HDAC9: variants seen among roughly 807,000 people sequenced by gnomAD.
HDAC9 encodes the protein histone deacetylase 9, also known as MEF-2 interacting transcription repressor (MITR) protein.
In HDAC9, 41 loss-of-function variants were observed where a neutral mutation model predicts 139.4. The observed-to-expected ratio is 0.29, with a 90% CI of 0.23 to 0.38. The LOEUF (loss-of-function observed/expected upper bound fraction) is 0.38, where lower values mean the gene tolerates loss of function less well. HDAC9 is among the 10% of genes least tolerant of loss of function. The probability of loss-of-function intolerance (pLI) is 1.00; values close to 1 mark genes in which losing one functional copy is unlikely to be tolerated. For synonymous variants in HDAC9, 517 were observed against 476.2 expected, an observed-to-expected ratio of 1.09 and a Z score of -1.12; for missense variants, 1,147 against 1,297.0, an observed-to-expected ratio of 0.88 and a Z score of 1.78.
chr7:18,236,197 C>A (rs115199802), intron 2 of HDAC9, among the ~76,000 whole-genome samples: 3 of 152,292 alleles, frequency 2.0e-5, no homozygotes, highest in Admixed American at 6.5e-5. Context: ...AGACCTCCTG[C>A]AGCATCAGCA....
intron 12 of HDAC9, among the ~76,000 whole-genome samples, chr7:18,724,877 A>G (rs1171871432): frequency 6.6e-6 from 1 of 152,182 alleles, no homozygotes; most frequent in Admixed American, 6.6e-5. Flanking sequence ...TCTAATATAT[A>G]AAAGACTATG....
intron 17 of HDAC9, among the ~76,000 whole-genome samples, chr7:18,817,902 G>T (rs1336903588): frequency 6.6e-6 from 1 of 152,046 alleles, no homozygotes; most frequent in Admixed American, 6.6e-5. Flanking sequence ...AATATCCTCA[G>T]TCATTCTTCT....
At chr7:18,506,375 T>C in intron 2 of HDAC9, among the ~76,000 whole-genome samples, 1 of 152,184 alleles carries the variant, frequency 6.6e-6, no homozygotes, top group Admixed American at 6.5e-5. Context: ...AAACAGACAT[T>C]GCTAAGCTCT....
At chr7:18,874,093 C>T (rs1403613227) in intron 21 of HDAC9, among the ~76,000 whole-genome samples, 5 of 151,820 alleles carry the variant, frequency 3.3e-5, no homozygotes, top group African/African-American at 4.8e-5. Flanking sequence ...TGGAGCAAGC[C>T]GGGTTTTCAC....
intron 1 of HDAC9, among the ~76,000 whole-genome samples, chr7:18,404,357 A>G (rs1787815800): frequency 1.3e-5 from 2 of 152,162 alleles, no homozygotes; most frequent in Admixed American, 1.3e-4. Context: ...AAAATAATAA[A>G]TCATGTAAAC....
At chr7:18,110,907 T>A (rs1181396262) in intron 1 of HDAC9, among the ~76,000 whole-genome samples, 1 of 152,138 alleles carries the variant, frequency 6.6e-6, no homozygotes, top group Non-Finnish European at 1.5e-5. Flanking sequence ...TTCTTTCACA[T>A]GGGGAAGAGT....
intron 14 of HDAC9, among the ~76,000 whole-genome samples, chr7:18,752,164 A>G (rs1035083035): frequency 2.0e-5 from 3 of 152,108 alleles, no homozygotes; most frequent in African/African-American, 7.2e-5. Flanking sequence ...TACTTTAGCA[A>G]TTTGCCACAT....
At chr7:18,482,827 C>T (rs951145175) in intron 1 of HDAC9, among the ~76,000 whole-genome samples, 2 of 152,134 alleles carry the variant, frequency 1.3e-5, no homozygotes, top group African/African-American at 4.8e-5. Flanking sequence ...TCTGGTCATG[C>T]CCACTTTGTG....
chr7:18,764,480 C>T (rs1789653955), intron 15 of HDAC9, among the ~76,000 whole-genome samples: 1 of 152,174 alleles, frequency 6.6e-6, no homozygotes, highest in African/African-American at 2.4e-5. Context: ...AAAACTACTT[C>T]TCTTTCCCTA....
intron 1 of HDAC9, among the ~76,000 whole-genome samples, chr7:18,094,409 C>T (rs1208683211): frequency 6.6e-6 from 1 of 151,824 alleles, no homozygotes; most frequent in African/African-American, 2.4e-5. Flanking sequence ...TCTTTCACAG[C>T]CTGGACCCAG....
At chr7:18,485,577 T>C (rs910665259) in intron 1 of HDAC9, among the ~76,000 whole-genome samples, 5 of 151,722 alleles carry the variant, frequency 3.3e-5, no homozygotes, top group African/African-American at 9.7e-5. Flanking sequence ...TAGTTCAGAA[T>C]ACAGAATTCT....
chr7:18,219,073 A>G (rs1180050161), intron 2 of HDAC9, among the ~76,000 whole-genome samples: 1 of 152,170 alleles, frequency 6.6e-6, no homozygotes, highest in African/African-American at 2.4e-5. Context: ...TACTAGGTAC[A>G]ATATTTTAAA....
chr7:18,753,398 T>C (rs1788612616), intron 14 of HDAC9, among the ~76,000 whole-genome samples: 3 of 151,964 alleles, frequency 2.0e-5, no homozygotes, highest in Non-Finnish European at 1.5e-5. Context: ...AAAAGGAAAA[T>C]ATCCTAGATC....
chr7:18,677,896 A>G (rs1008420195), intron 12 of HDAC9, among the ~76,000 whole-genome samples: 1 of 151,896 alleles, frequency 6.6e-6, no homozygotes, highest in African/African-American at 2.4e-5. Context: ...TTAGTGCTTT[A>G]GTGTCCTTTC....
At chr7:18,901,247 CAT>C (rs3085467) in intron 22 of HDAC9, among the ~76,000 whole-genome samples, 7,287 of 143,808 alleles carry the variant, frequency 0.051, 207 homozygotes, top group African/African-American at 0.075. Context: ...CACACACACA[CAT>C]ATATACATAT....
At position 18,395,371 on chromosome 7, in the gene HDAC9, A is replaced by G. The variant is rs371970729; in HGVS notation, c.-41-100891A>G. On this transcript the variant is annotated intron_variant, in intron 1 of 3. Transcript: ENST00000413509. ...TGCAACATAAAAATTAAAGCAGTAT[A>G]ATTAATTGTTTGGAGTGGACTCCCT... Among the ~76,000 whole-genome samples, 9 of 152,278 alleles carry G rather than the reference A, an allele frequency of 5.9e-5. No individual in the cohort carries two copies. In the East Asian group the frequency reaches 1.5e-3, roughly 26 times the overall value.
chr7:18,304,734 C>G (rs1292016792), intron 1 of HDAC9, among the ~76,000 whole-genome samples: 1 of 152,186 alleles, frequency 6.6e-6, no homozygotes, highest in African/African-American at 2.4e-5. Context: ...CCATACATCA[C>G]TTTTTAATGG....
At chr7:18,496,993 G>A (rs1467615007) in intron 2 of HDAC9, among the ~76,000 whole-genome samples, 1 of 152,062 alleles carries the variant, frequency 6.6e-6, no homozygotes, top group Non-Finnish European at 1.5e-5. Context: ...TTAAAAGCAG[G>A]TGCAGCGTTT....
At chr7:18,962,978 C>A (rs1203601818) in intron 24 of HDAC9, among the ~76,000 whole-genome samples, 3 of 152,130 alleles carry the variant, frequency 2.0e-5, no homozygotes, top group African/African-American at 7.2e-5. Flanking sequence ...ATTAAAGGAT[C>A]TATATGACCT....
Sources: gnomAD v4.1 joint callset for allele counts (sites outside exome capture counted in the v4.1 genomes callset) on GRCh38, gnomAD v4.1.1 for gene constraint, MANE v1.5 for transcripts, NCBI Gene and HGNC (gene_info 2026-07-23, HGNC 2026-07-21) for gene names.